The following SAMTOR variants were observed in gnomAD, a reference collection of about 807,000 sequenced individuals.
The protein encoded by SAMTOR is UPF0532 protein C7orf60.
chr7:112,871,311 A>T, the SAMTOR span, among the ~76,000 whole-genome samples: 1 of 152,228 alleles, frequency 6.6e-6, no homozygotes, highest in Non-Finnish European at 1.5e-5. Flanking sequence ...TCAAAGTCAT[A>T]TCAAGCATAT....
the SAMTOR span, among the ~76,000 whole-genome samples, chr7:112,833,845 A>G: frequency 6.6e-6 from 1 of 152,226 alleles, no homozygotes; most frequent in African/African-American, 2.4e-5. Context: ...CATAAAATAT[A>G]CACTCAGTGA....
chr7:112,831,060 C>T, the SAMTOR span, among the ~76,000 whole-genome samples: 1 of 151,704 alleles, frequency 6.6e-6, no homozygotes, highest in Admixed American at 6.6e-5. Flanking sequence ...ATATACTAGG[C>T]ACTCTTCTAG....
At chr7:112,842,139 T>C in the SAMTOR span, among the ~76,000 whole-genome samples, 2 of 152,134 alleles carry the variant, frequency 1.3e-5, no homozygotes, top group East Asian at 3.9e-4. Flanking sequence ...ATGAAAATTC[T>C]TTGAGTAGAA....
the SAMTOR span, among the ~76,000 whole-genome samples, chr7:112,888,054 G>T: frequency 6.7e-6 from 1 of 148,740 alleles, no homozygotes; most frequent in Non-Finnish European, 1.5e-5. Flanking sequence ...CTTTTCTAAC[G>T]TGCATTCAAT....
At chr7:112,921,864 A>G in the SAMTOR span, among the ~76,000 whole-genome samples, 6 of 149,938 alleles carry the variant, frequency 4.0e-5, no homozygotes, top group African/African-American at 1.5e-4. Flanking sequence ...GCCATCAGAG[A>G]AATGCAAATC....
chr7:112,936,257 C>A, the SAMTOR span, among the ~76,000 whole-genome samples: 1 of 152,122 alleles, frequency 6.6e-6, no homozygotes, highest in African/African-American at 2.4e-5. Context: ...ACCAGAAATA[C>A]CCCTTCGCAT....
the SAMTOR span, chr7:112,819,347 G>C: frequency 6.6e-6 from 1 of 152,384 alleles, no homozygotes; most frequent in South Asian, 2.1e-4. Flanking sequence ...TTATTTTGGA[G>C]AACCAGCTGT....
chr7:112,865,690 C>CATATATACATATATTCATATATATTTT, the SAMTOR span, among the ~76,000 whole-genome samples: 1 of 102,950 alleles, frequency 9.7e-6, no homozygotes, highest in Non-Finnish European at 2.0e-5. Flanking sequence ...ATATATATTT[C>CATATATACATATATTCATATATATTTT]ATATATACAT....
At chr7:112,895,487 C>T in the SAMTOR span, 7 of 999,710 alleles carry the variant, frequency 7.0e-6, no homozygotes, top group Middle Eastern at 2.6e-4. Flanking sequence ...AAGTAAACTG[C>T]TCACTGTTTA....
the SAMTOR span, among the ~76,000 whole-genome samples, chr7:112,870,963 A>G: frequency 6.6e-6 from 1 of 152,174 alleles, no homozygotes; most frequent in Non-Finnish European, 1.5e-5. Flanking sequence ...AAAGAGCTCA[A>G]TTCCATGAGA....
At chr7:112,899,072 T>C in the SAMTOR span, among the ~76,000 whole-genome samples, 5 of 152,160 alleles carry the variant, frequency 3.3e-5, no homozygotes, top group East Asian at 7.7e-4. Context: ...GTCAGGAAAA[T>C]GTGACCTCAC....
chr7:112,925,852 T>C, the SAMTOR span, among the ~76,000 whole-genome samples: 10,644 of 150,012 alleles, frequency 0.071, 431 homozygotes, highest in South Asian at 0.13. Flanking sequence ...TGTAGTTTAA[T>C]TGGGTGAGAA....
At chr7:112,896,135 A>G in the SAMTOR span, among the ~76,000 whole-genome samples, 1 of 152,022 alleles carries the variant, frequency 6.6e-6, no homozygotes, top group African/African-American at 2.4e-5. Context: ...AGATAACCCA[A>G]CAGCTGTTCT....
the SAMTOR span, among the ~76,000 whole-genome samples, chr7:112,873,960 C>T: frequency 1.3e-5 from 2 of 152,014 alleles, no homozygotes; most frequent in African/African-American, 4.8e-5. Context: ...AAATGTTCCA[C>T]GTCACTAATC....
chr7:112,903,438 G>C, the SAMTOR span, among the ~76,000 whole-genome samples: 1 of 151,234 alleles, frequency 6.6e-6, no homozygotes. Context: ...ATGGGATCCT[G>C]GATTGAAAAA....
At chr7:112,889,444 T>C in the SAMTOR span, among the ~76,000 whole-genome samples, 6 of 152,104 alleles carry the variant, frequency 3.9e-5, no homozygotes, top group Admixed American at 2.0e-4. Context: ...GAATTTAAAA[T>C]AGGTCCATGT....
chr7:112,909,023 CAAG>C, the SAMTOR span, among the ~76,000 whole-genome samples: 2 of 152,168 alleles, frequency 1.3e-5, no homozygotes, highest in Non-Finnish European at 2.9e-5. Context: ...GTAACAACTG[CAAG>C]AAGCCATAAA....
the SAMTOR span, among the ~76,000 whole-genome samples, chr7:112,923,348 T>C: frequency 1.2e-3 from 184 of 152,082 alleles, 2 homozygotes; most frequent in African/African-American, 4.2e-3. Context: ...TGCGGAAGGC[T>C]GCAGGGTCCT....
the SAMTOR span, among the ~76,000 whole-genome samples, chr7:112,861,741 T>G: frequency 6.6e-6 from 1 of 152,180 alleles, no homozygotes; most frequent in Non-Finnish European, 1.5e-5. Flanking sequence ...TGATGCAAAC[T>G]AGGGTAAGGA....
Sources: gnomAD v4.1 joint callset for allele counts (sites outside exome capture counted in the v4.1 genomes callset) on GRCh38, gnomAD v4.1.1 for gene constraint, MANE v1.5 for transcripts, NCBI Gene and HGNC (gene_info 2026-07-23, HGNC 2026-07-21) for gene names.